Variants in CSMD1 observed in about 807,000 individuals in gnomAD.
The protein encoded by CSMD1 is CUB and sushi domain-containing protein 1.
In CSMD1, 213 loss-of-function variants were observed where a neutral mutation model predicts 417.5. That is an observed-to-expected ratio of 0.51 (90% CI 0.46 to 0.57). The LOEUF is 0.57. CSMD1 is among the 20% of genes least tolerant of loss of function. CSMD1 has a pLI of 0.00. For missense variants in CSMD1, 6,923 were observed against 4,529.7 expected, an observed-to-expected ratio of 1.53 and a Z score of -15.17; for synonymous variants, 2,862 against 1,736.8, an observed-to-expected ratio of 1.65 and a Z score of -16.11.
intron 7 of CSMD1, among the ~76,000 whole-genome samples, chr8:3,697,798 A>G (rs1800635107): frequency 6.6e-6 from 1 of 152,218 alleles, no homozygotes; most frequent in African/African-American, 2.4e-5. Context: ...TGGAAATGCT[A>G]AAATTTATAC....
intron 3 of CSMD1, among the ~76,000 whole-genome samples, chr8:4,341,688 T>C (rs1255006480): frequency 2.0e-5 from 3 of 152,130 alleles, no homozygotes; most frequent in Admixed American, 2.0e-4. Context: ...GCAGTCAAGA[T>C]AAATGGAAAC....
At chr8:3,040,466 A>T (rs1438484421) in intron 50 of CSMD1, among the ~76,000 whole-genome samples, 1 of 148,548 alleles carries the variant, frequency 6.7e-6, no homozygotes, top group African/African-American at 2.4e-5. Context: ...AAATCTATCT[A>T]TCTATATATA....
chr8:3,543,269 T>C (rs921759130), intron 10 of CSMD1, among the ~76,000 whole-genome samples: 1 of 152,210 alleles, frequency 6.6e-6, no homozygotes, highest in Non-Finnish European at 1.5e-5. Context: ...AGGCATGTTT[T>C]ACAGAGGACA....
chr8:3,561,607 A>G (rs1445888702), intron 10 of CSMD1, among the ~76,000 whole-genome samples: 1 of 152,150 alleles, frequency 6.6e-6, no homozygotes. Flanking sequence ...AACAACAGAC[A>G]CTGGTCACTC....
At chr8:4,805,390 G>C (rs978894055) in intron 1 of CSMD1, among the ~76,000 whole-genome samples, 1 of 152,140 alleles carries the variant, frequency 6.6e-6, no homozygotes, top group Admixed American at 6.5e-5. Context: ...GATCTAATGT[G>C]ATAAATTATT....
At chr8:4,647,528 C>A (rs1256183696) in intron 1 of CSMD1, among the ~76,000 whole-genome samples, 2 of 151,984 alleles carry the variant, frequency 1.3e-5, no homozygotes, top group Admixed American at 1.3e-4. Context: ...TGGTTGTTTG[C>A]TGCACCTATT....
rs1200653310 is a variant in CSMD1, at chr8:4,994,518, G to C, written c.-102C>G. ...TCACCCGAGGGCAAGGCGAGCCGGA[G>C]AGAGAGCCCGGTCCCAAGACCCGCC... On this transcript the variant is annotated 5_prime_UTR_variant, in exon 1 of 70. Transcript: ENST00000635120. 5 of 1,090,736 alleles carry C rather than the reference G, an allele frequency of 4.6e-6. No homozygotes were observed. Among genetic ancestry groups the C allele is most frequent in the Admixed American group, 4.0e-5 (2 of 49,416 alleles). 67.6% of individuals were successfully genotyped at this position (1,090,736 alleles called of 1,614,324 possible).
In CSMD1 at chr8:3,188,878, A is replaced by G; in HGVS notation, c.5523+9T>C. The G allele has an allele frequency of 1.3e-6, 2 of 1,553,796 alleles. No homozygotes were observed. The highest frequency in any genetic ancestry group is 1.7e-6 in the Non-Finnish European group (2 of 1,148,474). Reference sequence around the variant, plus strand: ...GCCCTGTTGTAGACTGTGGACTTCAAGGACTCACCTGAATTCCCGAGCCCT... The same window carrying G: ...GCCCTGTTGTAGACTGTGGACTTCAGGGACTCACCTGAATTCCCGAGCCCT... On this transcript the variant is annotated intron_variant, in intron 35 of 69. Coordinates refer to ENST00000635120, the MANE Select transcript of CSMD1 (RefSeq NM_033225.6).
chr8:2,949,376 C>A lies in CSMD1; in HGVS notation c.10325G>T (p.Gly3442Val). The change falls in exon 68 of 70, where the codon GGA becomes GTA. Residue 3442 changes from glycine (G) to valine (V), a missense_variant. Coordinates refer to ENST00000635120, the MANE Select transcript of CSMD1 (RefSeq NM_033225.6). Reference sequence around the variant, plus strand: ...AAAAGTAAATCCTCCTCTTTCAAGTCCAGATGACACCTGACACATAGGAAA... The same window carrying A: ...AAAAGTAAATCCTCCTCTTTCAAGTACAGATGACACCTGACACATAGGAAA... ...NWGLDGYVSS[G>V]LERGGFTFQG... The A allele has an allele frequency of 6.3e-7, 1 of 1,585,154 alleles. No individual in the cohort carries two copies. The highest frequency in any genetic ancestry group is 1.1e-5 in the South Asian group (1 of 89,308).
At chr8:3,806,297 A>G (rs1800738135) in intron 5 of CSMD1, among the ~76,000 whole-genome samples, 1 of 152,166 alleles carries the variant, frequency 6.6e-6, no homozygotes, top group Non-Finnish European at 1.5e-5. Context: ...TATCGTAATG[A>G]TGGCCTTAAT....
intron 10 of CSMD1, among the ~76,000 whole-genome samples, chr8:3,515,777 T>C (rs975316806): frequency 6.6e-6 from 1 of 152,242 alleles, no homozygotes; most frequent in African/African-American, 2.4e-5. Context: ...AACTACTTTC[T>C]GAACATGTAG....
rs1259320594 is a variant in CSMD1, at chr8:3,103,235, G to A, written c.6949+3293C>T. Reference sequence around the variant, plus strand: ...GAGTTGGTCTGGCGATAATTTCCAGGCCTTCTCCCTGTAACCAGTTATAGA... The same window carrying A: ...GAGTTGGTCTGGCGATAATTTCCAGACCTTCTCCCTGTAACCAGTTATAGA... On this transcript the variant is annotated intron_variant, in intron 46 of 69. Coordinates refer to ENST00000635120, the MANE Select transcript of CSMD1 (RefSeq NM_033225.6). Among the ~76,000 whole-genome samples, 3 of 152,068 alleles carry A rather than the reference G, an allele frequency of 2.0e-5. No individual in the cohort carries two copies. The East Asian group carries it at 5.8e-4, about 29-fold the overall frequency.
chr8:4,728,706 T>G (rs1277734716), intron 1 of CSMD1, among the ~76,000 whole-genome samples: 1 of 152,270 alleles, frequency 6.6e-6, no homozygotes, highest in South Asian at 2.1e-4. Flanking sequence ...TACATATTTC[T>G]ATTTGTGATC....
At chr8:3,153,510 G>A (rs2129036615) in intron 39 of CSMD1, among the ~76,000 whole-genome samples, 1 of 152,172 alleles carries the variant, frequency 6.6e-6, no homozygotes, top group South Asian at 2.1e-4. Flanking sequence ...ACAACTACAG[G>A]GAAGACACGA....
chr8:4,316,580 T>C (rs1326727965), intron 3 of CSMD1, among the ~76,000 whole-genome samples: 1 of 152,090 alleles, frequency 6.6e-6, no homozygotes, highest in Non-Finnish European at 1.5e-5. Context: ...TAATATTCCA[T>C]CGAGTCCTAA....
At chr8:4,313,518 A>AT (rs965888009) in intron 3 of CSMD1, among the ~76,000 whole-genome samples, 1 of 151,650 alleles carries the variant, frequency 6.6e-6, no homozygotes, top group Admixed American at 6.6e-5. Flanking sequence ...AAAAAAAAAA[A>AT]AAAAATCACG....
intron 1 of CSMD1, among the ~76,000 whole-genome samples, chr8:4,904,951 G>T (rs1182493482): frequency 6.6e-6 from 1 of 152,124 alleles, no homozygotes; most frequent in South Asian, 2.1e-4. Context: ...TGGGACAAGG[G>T]ACCATGCCGC....
intron 6 of CSMD1, among the ~76,000 whole-genome samples, chr8:3,711,277 C>T (rs1173517634): frequency 4.6e-5 from 7 of 152,118 alleles, no homozygotes; most frequent in Non-Finnish European, 7.3e-5. Context: ...TCATCAGAGC[C>T]ATGAATAGAC....
chr8:3,828,519 A>G (rs773069001), intron 5 of CSMD1, among the ~76,000 whole-genome samples: 1 of 152,212 alleles, frequency 6.6e-6, no homozygotes, highest in Non-Finnish European at 1.5e-5. Flanking sequence ...CTAGTTATCT[A>G]TAATTCCTCT....
Sources: allele counts gnomAD v4.1 joint callset (sites outside exome capture counted in the v4.1 genomes callset), GRCh38; gene constraint gnomAD v4.1.1; transcripts MANE v1.5; gene names NCBI Gene and HGNC (gene_info 2026-07-23, HGNC 2026-07-21).